TCP11L1: variants seen among roughly 807,000 people sequenced by gnomAD.
TCP11L1 encodes the protein T-complex protein 11-like protein 1.
TCP11L1 carries 28 observed loss-of-function variants against 48.9 expected under a neutral mutation model. The observed-to-expected ratio is 0.57, with a 90% CI of 0.42 to 0.78. The LOEUF is 0.78. Ranked by LOEUF, TCP11L1 falls within the 30% of genes least tolerant of loss-of-function variation. The pLI, the probability that TCP11L1 is intolerant of heterozygous loss-of-function variation, is 0.00. For synonymous variants in TCP11L1, 204 were observed against 231.9 expected, an observed-to-expected ratio of 0.88 and a Z score of 1.09; for missense variants, 505 against 613.4, an observed-to-expected ratio of 0.82 and a Z score of 1.87.
chr11:33,059,403 G>T (rs1854408760), intron 6 of TCP11L1, among the ~76,000 whole-genome samples: 1 of 152,100 alleles, frequency 6.6e-6, no homozygotes, highest in South Asian at 2.1e-4. Context: ...TACATTCTTG[G>T]TCTTGATTTT....
At chr11:33,049,934 A>ACC (rs1219192506) in intron 2 of TCP11L1, among the ~76,000 whole-genome samples, 6 of 152,150 alleles carry the variant, frequency 3.9e-5, no homozygotes, top group African/African-American at 1.4e-4. Flanking sequence ...TTGCATGGGG[A>ACC]GAAACCTTGG....
rs140608667 is a variant in TCP11L1 at position 33,044,915 on chromosome 11, T to TA, written c.163+980dup. Among the ~76,000 whole-genome samples the TA allele has an allele frequency of 5.5e-3, 834 of 152,288 alleles. 7 individuals carry two copies. Among genetic ancestry groups the TA allele is most frequent in the African/African-American group, 0.018 (765 of 41,544 alleles). On this transcript the variant is annotated intron_variant, in intron 2 of 9. Transcript: ENST00000334274. ...TTTCCTGTCTTTAAAATGAGGAAAA[T>TA]ACAATATTTCTTGGGGTAGCAGTAA...
In TCP11L1 at chr11:33,066,012, G is replaced by T; in HGVS notation, c.1154+1G>T. 1 of 1,613,842 alleles carries T rather than the reference G, an allele frequency of 6.2e-7. No homozygotes were observed. The highest frequency in any genetic ancestry group is 8.5e-7 in the Non-Finnish European group (1 of 1,179,810). ...TTTTGCTAACAGATATGCACCTGCC[G>T]TAAGTGGAACTTTGATGCGTGGATG... is the stretch of plus-strand genomic sequence containing the variant. On this transcript the variant is annotated splice_donor_variant, in intron 8 of 9. Coordinates refer to ENST00000334274, the MANE Select transcript of TCP11L1 (RefSeq NM_018393.4). LOFTEE classifies it high-confidence loss of function.
At chr11:33,061,359 A>G (rs1179671489) in intron 6 of TCP11L1, among the ~76,000 whole-genome samples, 171 bp from the exon 7 acceptor site, 1 of 152,194 alleles carries the variant, frequency 6.6e-6, no homozygotes, top group Non-Finnish European at 1.5e-5. Context: ...CTTGCCTGAG[A>G]TCCCTCAGTT....
In TCP11L1 at chr11:33,061,544, G is replaced by A. The variant is rs948799925; in HGVS notation, c.790G>A (p.Val264Ile). ...LERQPNSLDF[V>I]TQWLEEASED... The stretch of plus-strand genomic sequence containing the variant: ...GTTTTTCACAGATTCCCTGGACTTT[G>A]TCACCCAGTGGCTGGAAGAAGCCTC... The change falls in exon 7 of 10, where the codon GTC (valine) becomes ATC (isoleucine). Residue 264 changes from valine (V) to isoleucine (I), a missense_variant. This residue lies in a region of TCP11L1 where 335 missense variants were observed against 413.3 expected (regional missense o/e 0.81). Coordinates refer to ENST00000334274, the MANE Select transcript of TCP11L1 (RefSeq NM_018393.4). 1.0e-5 allele frequency: 16 copies of A among 1,604,008 alleles called. No homozygotes were observed. The highest frequency in any genetic ancestry group is 1.3e-5 in the Non-Finnish European group (15 of 1,174,804).
Position 33,072,583 on chromosome 11 carries a change from T to C in TCP11L1, c.1437T>C (p.Val479=). The C allele has an allele frequency of 6.2e-7, 1 of 1,614,144 alleles. No homozygotes were observed. The highest frequency in any genetic ancestry group is 1.3e-5 in the African/African-American group (1 of 75,016). ...LSPVQRELEE[V]AIKFARLVNY... ...CAGTTCAGAGAGAGCTGGAGGAAGT[T>C]GCTATTAAATTTGCTCGCCTGGTCA... Residue 479 remains valine (V), a synonymous_variant, in exon 10 of 10, where the codon GTT becomes GTC. Transcript: ENST00000334274.
intron 6 of TCP11L1, 117 bp from the exon 7 acceptor site, chr11:33,061,413 C>T (rs1854462126): frequency 9.6e-7 from 1 of 1,041,136 alleles, no homozygotes; most frequent in Non-Finnish European, 1.3e-6. Flanking sequence ...TTATTTGATT[C>T]CAAAGTTCAT....
intron 2 of TCP11L1, among the ~76,000 whole-genome samples, chr11:33,046,239 A>T (rs924464062): frequency 6.6e-6 from 1 of 152,268 alleles, no homozygotes; most frequent in African/African-American, 2.4e-5. Context: ...GAGACATGCA[A>T]GCCCTGCTTT....
intron 9 of TCP11L1, among the ~76,000 whole-genome samples, chr11:33,071,218 G>A (rs1373758805): frequency 6.6e-6 from 1 of 152,156 alleles, no homozygotes; most frequent in East Asian, 1.9e-4. Flanking sequence ...GGGAGGCAGA[G>A]TGGGGAGAAT....
chr11:33,047,853 A>C (rs1328306076), intron 2 of TCP11L1, among the ~76,000 whole-genome samples: 2 of 152,192 alleles, frequency 1.3e-5, no homozygotes, highest in Non-Finnish European at 2.9e-5. Context: ...TACTGTGCTC[A>C]TTCTATAGTA....
At chr11:33,064,027 A>G (rs936659553) in intron 7 of TCP11L1, among the ~76,000 whole-genome samples, 1 of 151,856 alleles carries the variant, frequency 6.6e-6, no homozygotes, top group African/African-American at 2.4e-5. Context: ...GGCCTTAGAT[A>G]CCCCTGCTTC....
At chr11:33,057,331 G>T in intron 4 of TCP11L1, 96 bp downstream of exon 4, 1 of 1,551,312 alleles carries the variant, frequency 6.4e-7, no homozygotes, top group Non-Finnish European at 8.8e-7. Flanking sequence ...AGAAATTGAA[G>T]GATCAAGAAG....
At chr11:33,070,993 T>G (rs1448395912) in intron 9 of TCP11L1, among the ~76,000 whole-genome samples, 32 of 148,420 alleles carry the variant, frequency 2.2e-4, no homozygotes, top group Non-Finnish European at 7.4e-5. Context: ...CGAGGGAAAC[T>G]CCATCTCAAA....
intron 3 of TCP11L1, among the ~76,000 whole-genome samples, 153 bp from the exon 4 acceptor site, chr11:33,056,962 C>T (rs1221444515): frequency 6.6e-6 from 1 of 152,116 alleles, no homozygotes; most frequent in African/African-American, 2.4e-5. Context: ...ATAAAGTATG[C>T]CCTCAGTTGA....
chr11:33,072,227 T>C (rs534489838), intron 9 of TCP11L1, among the ~76,000 whole-genome samples: 1 of 152,316 alleles, frequency 6.6e-6, no homozygotes, highest in African/African-American at 2.4e-5. Context: ...TGCTGAGTGC[T>C]GAGGAGACAT....
At chr11:33,054,795 C>T in intron 3 of TCP11L1, 70 bp downstream of exon 3, 1 of 1,506,728 alleles carries the variant, frequency 6.6e-7, no homozygotes, top group Non-Finnish European at 9.0e-7. Flanking sequence ...ATGTTTCCTT[C>T]AGTTGATACC....
At chr11:33,045,709 CAGTGGAGTCA>C (rs1445993750) in intron 2 of TCP11L1, among the ~76,000 whole-genome samples, 1 of 152,016 alleles carries the variant, frequency 6.6e-6, no homozygotes, top group Non-Finnish European at 1.5e-5. Flanking sequence ...TGACGAAGTC[CAGTGGAGTCA>C]AAAGAATGAA....
chr11:33,052,013 A>G (rs1354334811), intron 2 of TCP11L1, among the ~76,000 whole-genome samples: 1 of 152,128 alleles, frequency 6.6e-6, no homozygotes. Context: ...TTGGGATTTC[A>G]TTTAACCAAT....
chr11:33,061,835 C>G lies in TCP11L1; in HGVS notation c.972+109C>G, dbSNP rs1590236003. On this transcript the variant is annotated intron_variant, in intron 7 of 9. Transcript: ENST00000334274. ...GTGGCTCACTCCTGTAATCCCAGCA[C>G]TTTGGGAGGCAGAGGCAGGCAGATT... 4 of 1,141,046 alleles carry G rather than the reference C, an allele frequency of 3.5e-6. No homozygotes were observed. The African/African-American group carries it at 6.3e-5, about 18-fold the overall frequency. The allele number at this position is 1,141,046 out of a possible 1,614,324, so 70.7% of individuals were successfully genotyped here.
Sources: gnomAD v4.1 joint callset for allele counts (sites outside exome capture counted in the v4.1 genomes callset) on GRCh38, gnomAD v4.1.1 for gene constraint, gnomAD v4.1.1 regional missense constraint, MANE v1.5 for transcripts, NCBI Gene and HGNC (gene_info 2026-07-23, HGNC 2026-07-21) for gene names.